LRRC28: variants seen among roughly 807,000 people sequenced by gnomAD.
The protein encoded by LRRC28 is leucine-rich repeat-containing protein 28.
LRRC28 carries 39 observed loss-of-function variants against 45.7 expected under a neutral mutation model. The observed-to-expected ratio is 0.85, with a 90% CI of 0.66 to 1.12. The LOEUF (loss-of-function observed/expected upper bound fraction) is 1.12, where lower values mean the gene tolerates loss of function less well. Among genes scored for constraint, LRRC28 ranks in the 50% most tolerant of loss-of-function variants. The pLI is 0.00. For missense variants in LRRC28, 435 were observed against 438.5 expected, an observed-to-expected ratio of 0.99 and a Z score of 0.07; for synonymous variants, 206 against 178.8, an observed-to-expected ratio of 1.15 and a Z score of -1.22.
Position 99,287,926 on chromosome 15 carries a change from T to A in LRRC28, c.360T>A (p.Asn120Lys). Residue 120 changes from asparagine (N) to lysine (K), a missense_variant, in exon 5 of 10, where the codon AAT (asparagine) becomes AAA (lysine). Coordinates refer to ENST00000301981, the MANE Select transcript of LRRC28 (RefSeq NM_144598.5). ...CTTTACGTCATCTTCGATTAGCTAA[T>A]AACCAACTGCAATTCCTACCTCCAG... The part of the protein sequence containing the change: ...LRALRHLRLA[N>K]NQLQFLPPEV... 1 of 1,613,752 alleles carries A rather than the reference T, an allele frequency of 6.2e-7. No homozygotes were observed. Among genetic ancestry groups the A allele is most frequent in the East Asian group, 2.2e-5 (1 of 44,802 alleles).
intron 6 of LRRC28, among the ~76,000 whole-genome samples, chr15:99,341,348 T>G (rs185192193): frequency 1.3e-5 from 2 of 152,280 alleles, no homozygotes; most frequent in East Asian, 3.9e-4. Flanking sequence ...TGGCTCAGCC[T>G]CCCAAAGTGC....
At chr15:99,372,955 T>C (rs2152334699) in intron 9 of LRRC28, among the ~76,000 whole-genome samples, 1 of 152,100 alleles carries the variant, frequency 6.6e-6, no homozygotes, top group Non-Finnish European at 1.5e-5. Context: ...GAAACGACCC[T>C]TATAAAACCA....
intron 5 of LRRC28, among the ~76,000 whole-genome samples, chr15:99,310,333 A>C (rs1000854588): frequency 6.6e-6 from 1 of 152,242 alleles, no homozygotes; most frequent in Admixed American, 6.5e-5. Flanking sequence ...GGAATGATGG[A>C]ATTTTAAAAA....
chr15:99,347,401 G>T (rs2152311074), intron 6 of LRRC28, among the ~76,000 whole-genome samples: 1 of 152,276 alleles, frequency 6.6e-6, no homozygotes, highest in South Asian at 2.1e-4. Flanking sequence ...AGTAGAGACG[G>T]TTCCACCGTA....
intron 3 of LRRC28, among the ~76,000 whole-genome samples, chr15:99,280,499 T>TTTG (rs1329157114): frequency 6.6e-6 from 1 of 152,000 alleles, no homozygotes; most frequent in African/African-American, 2.4e-5. Flanking sequence ...GACCATTTTT[T>TTTG]TTGTTGTTGT....
chr15:99,334,233 G>A, intron 6 of LRRC28, 104 bp downstream of exon 6: 1 of 1,292,262 alleles, frequency 7.7e-7, no homozygotes, highest in South Asian at 1.3e-5. Flanking sequence ...TGTTTATCTT[G>A]ACGATTGCTT....
At chr15:99,370,289 C>CT (rs1957447408) in intron 9 of LRRC28, among the ~76,000 whole-genome samples, 1 of 152,184 alleles carries the variant, frequency 6.6e-6, no homozygotes, top group Non-Finnish European at 1.5e-5. Flanking sequence ...TTTAAATATA[C>CT]TTTCAACTCA....
intron 3 of LRRC28, chr15:99,285,261 T>C: frequency 2.7e-6 from 2 of 734,956 alleles, no homozygotes; most frequent in East Asian, 5.0e-5. Flanking sequence ...TCAACAAATA[T>C]CTTTTTCACA....
At position 99,326,130 on chromosome 15, in the gene LRRC28, G is replaced by A. The variant is rs564034725; in HGVS notation, c.386-7793G>A. Among the ~76,000 whole-genome samples the A allele has an allele frequency of 2.4e-3, 372 of 152,182 alleles. 3 individuals carry two copies. The highest frequency in any genetic ancestry group is 3.4e-3 in the Non-Finnish European group (231 of 67,988). On this transcript the variant is annotated intron_variant, in intron 5 of 9. Transcript: ENST00000301981. ...GTTCTGTATTTCTCTCTATTCTATA[G>A]AGGGTGTAAGTTACAGTGGTGTTCC...
intron 5 of LRRC28, among the ~76,000 whole-genome samples, chr15:99,295,617 C>T (rs1365652651): frequency 6.6e-6 from 1 of 152,126 alleles, no homozygotes; most frequent in Non-Finnish European, 1.5e-5. Context: ...AACAAAGAAA[C>T]AACAAAAAGT....
chr15:99,318,213 A>T (rs546904645), intron 5 of LRRC28, among the ~76,000 whole-genome samples: 1 of 152,302 alleles, frequency 6.6e-6, no homozygotes, highest in South Asian at 2.1e-4. Flanking sequence ...AGCATTATAT[A>T]TACACGTTTA....
intron 1 of LRRC28, among the ~76,000 whole-genome samples, chr15:99,253,035 G>A (rs2080898112): frequency 1.3e-5 from 2 of 152,044 alleles, no homozygotes; most frequent in Non-Finnish European, 2.9e-5. Flanking sequence ...ATATTTAAGT[G>A]ACAAATTGTG....
chr15:99,321,701 T>G (rs1955803220), intron 5 of LRRC28, among the ~76,000 whole-genome samples: 1 of 152,196 alleles, frequency 6.6e-6, no homozygotes, highest in Admixed American at 6.6e-5. Flanking sequence ...CTGCGGCCAC[T>G]GAACAAGTGA....
intron 9 of LRRC28, among the ~76,000 whole-genome samples, chr15:99,373,049 C>T (rs187921477): frequency 2.0e-4 from 31 of 152,214 alleles, no homozygotes; most frequent in Admixed American, 1.2e-3. Context: ...CACCTCCCAC[C>T]GGGTCCTTCC....
chr15:99,270,409 C>T (rs1292534291), intron 2 of LRRC28, among the ~76,000 whole-genome samples: 1 of 152,054 alleles, frequency 6.6e-6, no homozygotes, highest in Non-Finnish European at 1.5e-5. Flanking sequence ...ACCCATTAAG[C>T]AGTTCCTCCC....
intron 6 of LRRC28, among the ~76,000 whole-genome samples, chr15:99,344,580 C>T (rs534397614): frequency 1.3e-5 from 2 of 152,264 alleles, no homozygotes; most frequent in Admixed American, 6.5e-5. Context: ...CTCAGAATAG[C>T]CAGGAGGTGC....
At chr15:99,372,899 A>G (rs1284471392) in intron 9 of LRRC28, among the ~76,000 whole-genome samples, 3 of 152,112 alleles carry the variant, frequency 2.0e-5, no homozygotes, top group Non-Finnish European at 4.4e-5. Context: ...GGAAGCAAAC[A>G]TGTCCTTCAC....
At chr15:99,341,842 A>G (rs1310602595) in intron 6 of LRRC28, among the ~76,000 whole-genome samples, 1 of 152,202 alleles carries the variant, frequency 6.6e-6, no homozygotes, top group Non-Finnish European at 1.5e-5. Context: ...GTACTAGTGA[A>G]GTCTGGAAGA....
In LRRC28 at chr15:99,386,038, C is replaced by T; in HGVS notation, c.1040C>T (p.Thr347Ile). The T allele has an allele frequency of 6.2e-7, 1 of 1,614,014 alleles. No individual in the cohort carries two copies. The highest frequency in any genetic ancestry group is 8.5e-7 in the Non-Finnish European group (1 of 1,179,896). ...PMAGLHQWKTTVSFVAYCCST... is the reference protein window; with the variant it reads ...PMAGLHQWKTIVSFVAYCCST... ...CCTTTTTCCCCTTCCAGGAAGACAA[C>T]TGTTAGTTTTGTGGCTTACTGCTGC... is the stretch of plus-strand genomic sequence containing the variant. The change falls in exon 10 of 10, where the codon ACT becomes ATT. Residue 347 changes from threonine to isoleucine, a missense_variant. Thr to Ile is a moderately conservative substitution (Grantham distance 89, BLOSUM62 -1). Transcript: ENST00000301981.
Sources: gnomAD v4.1 joint callset for allele counts (sites outside exome capture counted in the v4.1 genomes callset) on GRCh38, gnomAD v4.1.1 for gene constraint, MANE v1.5 for transcripts, NCBI Gene and HGNC (gene_info 2026-07-23, HGNC 2026-07-21) for gene names.